PPFIA2: variants seen among roughly 807,000 people sequenced by gnomAD.
The protein encoded by PPFIA2 is PPFI scaffold protein A2, also known as liprin-alpha-2.
PPFIA2 carries 46 observed loss-of-function variants against 175.5 expected under a neutral mutation model. That is an observed-to-expected ratio of 0.26 (90% CI 0.21 to 0.34). The LOEUF is 0.34. Ranked by LOEUF, PPFIA2 falls within the 10% of genes least tolerant of loss-of-function variation. The pLI is 1.00. For synonymous variants in PPFIA2, 568 were observed against 511.4 expected (o/e 1.11, Z -1.49); for missense variants, 1,179 against 1,506.1 (o/e 0.78, Z 3.60).
intron 4 of PPFIA2, among the ~76,000 whole-genome samples, chr12:81,565,088 C>CT (rs1491214179): frequency 2.0e-5 from 3 of 152,026 alleles, no homozygotes; most frequent in Non-Finnish European, 4.4e-5. Context: ...TCTGATGAAC[C>CT]TTTTTTGCCA....
intron 4 of PPFIA2, among the ~76,000 whole-genome samples, chr12:81,590,467 T>A (rs1232656692): frequency 6.6e-6 from 1 of 152,160 alleles, no homozygotes; most frequent in African/African-American, 2.4e-5. Flanking sequence ...TTTTTCTTTT[T>A]CTTTTTTATT....
intron 4 of PPFIA2, among the ~76,000 whole-genome samples, chr12:81,473,532 A>G (rs1300941651): frequency 6.6e-6 from 1 of 152,226 alleles, no homozygotes; most frequent in Non-Finnish European, 1.5e-5. Context: ...CATGTGTGAT[A>G]ACACTCTGTA....
chr12:81,533,756 T>TAC (rs1425278501), intron 4 of PPFIA2, among the ~76,000 whole-genome samples: 1 of 150,772 alleles, frequency 6.6e-6, no homozygotes, highest in Non-Finnish European at 1.5e-5. Context: ...TCTATCTACA[T>TAC]ATATATATAC....
chr12:81,382,176 G>A (rs2037871054), intron 9 of PPFIA2, among the ~76,000 whole-genome samples: 1 of 152,094 alleles, frequency 6.6e-6, no homozygotes, highest in Non-Finnish European at 1.5e-5. Flanking sequence ...TGAACAAAAG[G>A]CAGAGAGAAA....
chr12:81,318,291 C>A (rs2052866586), intron 22 of PPFIA2, among the ~76,000 whole-genome samples: 1 of 151,688 alleles, frequency 6.6e-6, no homozygotes, highest in Non-Finnish European at 1.5e-5. Flanking sequence ...TACCCAGCTA[C>A]AATCTGGTAA....
chr12:81,715,220 G>A (rs1481739466), intron 3 of PPFIA2, among the ~76,000 whole-genome samples: 1 of 147,084 alleles, frequency 6.8e-6, no homozygotes, highest in Non-Finnish European at 1.5e-5. Flanking sequence ...CTAGTCCTAG[G>A]AATACTCTTT....
At chr12:81,710,629 T>C (rs573036843) in intron 3 of PPFIA2, among the ~76,000 whole-genome samples, 104 of 152,256 alleles carry the variant, frequency 6.8e-4, no homozygotes, top group Non-Finnish European at 1.2e-3. Flanking sequence ...GAGATATCTG[T>C]GATCAGCACC....
At chr12:81,396,437 G>T (rs1489202643) in intron 8 of PPFIA2, among the ~76,000 whole-genome samples, 1 of 152,062 alleles carries the variant, frequency 6.6e-6, no homozygotes, top group African/African-American at 2.4e-5. Context: ...AGTTAGCCAT[G>T]TATCTGGAGG....
At chr12:81,399,286 T>C (rs2041718059) in intron 8 of PPFIA2, among the ~76,000 whole-genome samples, 1 of 118,018 alleles carries the variant, frequency 8.5e-6, no homozygotes, top group South Asian at 2.9e-4. Context: ...AATATCCTTC[T>C]TCACAAAAAA....
intron 3 of PPFIA2, among the ~76,000 whole-genome samples, chr12:81,686,340 T>C (rs915191988): frequency 2.0e-5 from 3 of 152,074 alleles, no homozygotes; most frequent in African/African-American, 7.2e-5. Context: ...CAAAGTCTTC[T>C]ACCTGAATTC....
At chr12:81,599,075 C>T (rs1233817790) in intron 4 of PPFIA2, among the ~76,000 whole-genome samples, 1 of 151,794 alleles carries the variant, frequency 6.6e-6, no homozygotes, top group African/African-American at 2.4e-5. Context: ...ATATCTTTAA[C>T]AAATTCTTCA....
chr12:81,436,935 A>G, intron 7 of PPFIA2, among the ~76,000 whole-genome samples: 1 of 152,320 alleles, frequency 6.6e-6, no homozygotes, highest in Admixed American at 6.5e-5. Context: ...AACAGACGTG[A>G]TTTTTACTTA....
chr12:81,479,728 C>A (rs577713698), intron 4 of PPFIA2, among the ~76,000 whole-genome samples: 47 of 152,272 alleles, frequency 3.1e-4, no homozygotes, highest in Non-Finnish European at 5.9e-4. Context: ...AAATTCTTTT[C>A]TTTAAGAATG....
intron 22 of PPFIA2, among the ~76,000 whole-genome samples, chr12:81,323,570 A>C (rs1392445349): frequency 1.3e-5 from 2 of 152,064 alleles, no homozygotes; most frequent in Non-Finnish European, 1.5e-5. Flanking sequence ...CGGTTTCTTT[A>C]AAAAGAAAGA....
At chr12:81,730,646 T>G (rs1164711997) in intron 3 of PPFIA2, among the ~76,000 whole-genome samples, 1 of 151,632 alleles carries the variant, frequency 6.6e-6, no homozygotes, top group East Asian at 2.0e-4. Flanking sequence ...GAGCTATTAT[T>G]TCTGGTTTCA....
In PPFIA2 at chr12:81,638,983, G is replaced by A. The variant is rs1328839284; in HGVS notation, c.303+37808C>T. On this transcript the variant is annotated intron_variant, in intron 4 of 32. Transcript: ENST00000549396. ...ATTACAGGCGTGAGCCACCGCGCCC[G>A]GCCTGTTTTGTCATAAATTTTCTTT... 5.9e-5 allele frequency among the ~76,000 whole-genome samples: 9 copies of A among 152,102 alleles called. No homozygotes were observed. The South Asian group carries it at 8.3e-4, about 14-fold the overall frequency.
chr12:81,475,572 G>C (rs2057367894), intron 4 of PPFIA2, among the ~76,000 whole-genome samples: 1 of 152,066 alleles, frequency 6.6e-6, no homozygotes, highest in Non-Finnish European at 1.5e-5. Flanking sequence ...CTCATATTTG[G>C]TTATTTTAAT....
rs75608893 is a variant in PPFIA2 at position 81,730,650 on chromosome 12, G to C, written c.249+23323C>G. On this transcript the variant is annotated intron_variant, in intron 3 of 32. Coordinates refer to ENST00000549396, the MANE Select transcript of PPFIA2 (RefSeq NM_003625.5). ...GTGGGGACACAGAGCTATTATTTCT[G>C]GTTTCACAAAACAAACACTTGGACC... is the stretch of plus-strand genomic sequence containing the variant. Among the ~76,000 whole-genome samples the C allele has an allele frequency of 7.6e-3, 1,152 of 151,542 alleles. 21 individuals are homozygous for C. Among genetic ancestry groups the C allele is most frequent in the African/African-American group, 0.026 (1,074 of 41,414 alleles).
At chr12:81,665,377 C>G (rs185151730) in intron 4 of PPFIA2, among the ~76,000 whole-genome samples, 1 of 151,858 alleles carries the variant, frequency 6.6e-6, no homozygotes, top group Non-Finnish European at 1.5e-5. Flanking sequence ...AAAATGCTTC[C>G]CACATTTGTA....
Sources: allele counts gnomAD v4.1 joint callset (sites outside exome capture counted in the v4.1 genomes callset), GRCh38; gene constraint gnomAD v4.1.1; transcripts MANE v1.5; gene names NCBI Gene and HGNC (gene_info 2026-07-23, HGNC 2026-07-21).